The following CCSER1 variants were observed in gnomAD, a reference collection of about 807,000 sequenced individuals.
CCSER1 encodes the protein coiled-coil serine rich protein 1.
A neutral mutation model predicts 82.0 loss-of-function variants in CCSER1; 41 were observed. The ratio of observed to expected loss-of-function variants is 0.50; its 90% CI spans 0.39 to 0.65. CCSER1 has a LOEUF of 0.65. CCSER1 is among the 30% of genes least tolerant of loss of function. The probability of loss-of-function intolerance (pLI) is 0.00; values close to 1 mark genes in which losing one functional copy is unlikely to be tolerated. For synonymous variants in CCSER1, 414 were observed against 383.9 expected (o/e 1.08, Z -0.92); for missense variants, 1,119 against 1,064.2 (o/e 1.05, Z -0.72).
At chr4:90,781,498 C>G in intron 7 of CCSER1, 5 of 985,004 alleles carry the variant, frequency 5.1e-6, no homozygotes, top group Non-Finnish European at 6.0e-6. Flanking sequence ...AGTGTGTAAT[C>G]TTCTCTTATT....
chr4:90,542,466 G>A (rs1054756087), intron 5 of CCSER1, among the ~76,000 whole-genome samples: 2 of 152,068 alleles, frequency 1.3e-5, no homozygotes, highest in Non-Finnish European at 2.9e-5. Flanking sequence ...TAACAGGAAA[G>A]CGATCCAACT....
chr4:91,331,099 A>G (rs1314491614), intron 10 of CCSER1, among the ~76,000 whole-genome samples: 1 of 152,088 alleles, frequency 6.6e-6, no homozygotes, highest in Non-Finnish European at 1.5e-5. Context: ...ATCCTTCAAG[A>G]TAAGGGGGAA....
intron 10 of CCSER1, among the ~76,000 whole-genome samples, chr4:91,184,099 A>G (rs1397856736): frequency 6.6e-6 from 1 of 152,158 alleles, no homozygotes; most frequent in African/African-American, 2.4e-5. Flanking sequence ...AAGAAATCGA[A>G]TTTTGCAAGT....
chr4:90,626,744 G>A (rs1258588148), intron 5 of CCSER1, among the ~76,000 whole-genome samples: 2 of 151,944 alleles, frequency 1.3e-5, no homozygotes, highest in African/African-American at 4.8e-5. Flanking sequence ...ACTGGGAAAT[G>A]GATATTATAA....
chr4:90,681,927 T>A (rs1733961668), intron 6 of CCSER1, among the ~76,000 whole-genome samples: 1 of 152,088 alleles, frequency 6.6e-6, no homozygotes, highest in African/African-American at 2.4e-5. Context: ...CTAATGTTTT[T>A]GATTTTCTAG....
intron 10 of CCSER1, among the ~76,000 whole-genome samples, chr4:91,188,972 A>G (rs10023241): frequency 0.31 from 46,474 of 151,968 alleles, 7,239 homozygotes; most frequent in Admixed American, 0.32. Context: ...AGAAAAAAAG[A>G]GTTATAAATA....
At chr4:90,392,575 A>G (rs529070281) in intron 3 of CCSER1, among the ~76,000 whole-genome samples, 1 of 152,220 alleles carries the variant, frequency 6.6e-6, no homozygotes, top group Admixed American at 6.5e-5. Context: ...CAAACTAAAT[A>G]TTCTCCTTTG....
chr4:90,879,503 AGAAGAAGAAGAAGAG>A (rs1391039763), intron 8 of CCSER1, among the ~76,000 whole-genome samples: 7 of 142,674 alleles, frequency 4.9e-5, no homozygotes, highest in Non-Finnish European at 1.1e-4. Context: ...AAGAAGAAGA[AGAAGAAGAAGAAGAG>A]GAAGAGGAAG....
chr4:91,429,764 TC>T (rs1754188050), intron 10 of CCSER1, among the ~76,000 whole-genome samples: 1 of 152,058 alleles, frequency 6.6e-6, no homozygotes, highest in Non-Finnish European at 1.5e-5. Flanking sequence ...TATTATATTT[TC>T]ATCTGAAAAT....
chr4:90,475,572 G>T (rs1413356363), intron 5 of CCSER1, among the ~76,000 whole-genome samples: 1 of 152,196 alleles, frequency 6.6e-6, no homozygotes, highest in African/African-American at 2.4e-5. Context: ...ACAAGGGACA[G>T]ATGTGGATTC....
chr4:91,010,202 T>C (rs1738894548), intron 9 of CCSER1, among the ~76,000 whole-genome samples: 1 of 152,162 alleles, frequency 6.6e-6, no homozygotes, highest in African/African-American at 2.4e-5. Flanking sequence ...TTTGTTTTTG[T>C]TTTTGTTTCC....
intron 6 of CCSER1, among the ~76,000 whole-genome samples, chr4:90,702,893 A>G (rs187884906): frequency 6.6e-6 from 1 of 152,076 alleles, no homozygotes; most frequent in African/African-American, 2.4e-5. Context: ...CTAGCAGTCT[A>G]TCAATTTTGT....
rs572186627 is a variant in CCSER1 at position 91,118,727 on chromosome 4, A to T, written c.2217+32733A>T. 7.9e-5 allele frequency among the ~76,000 whole-genome samples: 12 copies of T among 152,248 alleles called. No individual in the cohort carries two copies. In the South Asian group the frequency reaches 2.5e-3, roughly 32 times the overall value. ...GAACAAAAGCTTCATTCCTAATTATACTTCAGTGCTCTTTCTGTCTCTTTT... is the reference window on the plus strand; with the variant it reads ...GAACAAAAGCTTCATTCCTAATTATTCTTCAGTGCTCTTTCTGTCTCTTTT... On this transcript the variant is annotated intron_variant, in intron 10 of 10. Coordinates refer to ENST00000509176, the MANE Select transcript of CCSER1 (RefSeq NM_001145065.2).
At chr4:91,176,085 C>A (rs778710254) in intron 10 of CCSER1, among the ~76,000 whole-genome samples, 2 of 152,310 alleles carry the variant, frequency 1.3e-5, no homozygotes, top group East Asian at 3.9e-4. Context: ...ATAGGGAATC[C>A]TTTCCCCATT....
rs181738344 is a variant in CCSER1 at position 91,571,902 on chromosome 4, C to T, written c.2218-26670C>T. Among the ~76,000 whole-genome samples, 215 of 152,174 alleles carry T rather than the reference C, an allele frequency of 1.4e-3. 1 individual carries two copies. Among genetic ancestry groups the T allele is most frequent in the African/African-American group, 4.9e-3 (205 of 41,518 alleles). Reference sequence around the variant, plus strand: ...TGACCCATGGGATATGGACTGGCCTCCTCTCCTTGGGTCTACTGCAACTTG... The same window carrying T: ...TGACCCATGGGATATGGACTGGCCTTCTCTCCTTGGGTCTACTGCAACTTG... On this transcript the variant is annotated intron_variant, in intron 10 of 10. Coordinates refer to ENST00000509176, the MANE Select transcript of CCSER1 (RefSeq NM_001145065.2).
chr4:91,510,912 T>G (rs1343764211), intron 10 of CCSER1, among the ~76,000 whole-genome samples: 1 of 152,200 alleles, frequency 6.6e-6, no homozygotes, highest in East Asian at 1.9e-4. Context: ...AAGGCCAATT[T>G]CCAGAATGGT....
At chr4:90,945,526 G>A (rs1322290461) in intron 9 of CCSER1, among the ~76,000 whole-genome samples, 7 of 152,032 alleles carry the variant, frequency 4.6e-5, no homozygotes, top group Admixed American at 3.9e-4. Context: ...GTGTGTATCA[G>A]AAATACATGA....
chr4:90,582,698 C>T (rs1177061903), intron 5 of CCSER1, among the ~76,000 whole-genome samples: 1 of 152,136 alleles, frequency 6.6e-6, no homozygotes, highest in Admixed American at 6.5e-5. Flanking sequence ...ACCACTTGAT[C>T]AGTAAGTAAT....
chr4:90,482,554 A>G (rs937456465), intron 5 of CCSER1, among the ~76,000 whole-genome samples: 2 of 152,146 alleles, frequency 1.3e-5, no homozygotes, highest in African/African-American at 2.4e-5. Flanking sequence ...TGTGTCCCAG[A>G]GATTCTGGTA....
Sources: gnomAD v4.1 joint callset for allele counts (sites outside exome capture counted in the v4.1 genomes callset) on GRCh38, gnomAD v4.1.1 for gene constraint, MANE v1.5 for transcripts, NCBI Gene and HGNC (gene_info 2026-07-23, HGNC 2026-07-21) for gene names.